SRPK2: variants seen among roughly 807,000 people sequenced by gnomAD.
SRPK2 encodes SRSF protein kinase 2, also known as SFRS protein kinase 2.
A neutral mutation model predicts 90.8 loss-of-function variants in SRPK2; 21 were observed. The observed-to-expected ratio is 0.23, with a 90% CI of 0.16 to 0.33. The LOEUF (loss-of-function observed/expected upper bound fraction) is 0.33. Ranked by LOEUF, SRPK2 falls within the 10% of genes least tolerant of loss-of-function variation. SRPK2 has a pLI of 1.00. For synonymous variants in SRPK2, 288 were observed against 311.1 expected (o/e 0.93, Z 0.78); for missense variants, 620 against 869.0 (o/e 0.71, Z 3.60).
chr7:105,191,882 C>CT lies in SRPK2; in HGVS notation c.229+11745dup, dbSNP rs1323159078. ...CTTTTGTAAAAAAAAACAAAAAAAA[C>CT]TTTTTTTTTTTTAAATAGAGACAAA... On this transcript the variant is annotated intron_variant, in intron 3 of 15. Coordinates refer to ENST00000393651, the MANE Select transcript of SRPK2 (RefSeq NM_182692.3). Among the ~76,000 whole-genome samples, 501 of 144,102 alleles carry CT rather than the reference C, an allele frequency of 3.5e-3. 2 individuals carry two copies. The highest frequency in any genetic ancestry group is 2.7e-3 in the African/African-American group (108 of 39,640). 94.5% of individuals were successfully genotyped at this position (144,102 alleles called of 152,430 possible).
At chr7:105,377,324 A>G (rs1820417427) in intron 2 of SRPK2, among the ~76,000 whole-genome samples, 1 of 152,046 alleles carries the variant, frequency 6.6e-6, no homozygotes, top group East Asian at 1.9e-4. Flanking sequence ...ATCACCCTCA[A>G]CAGAGCTCTT....
At chr7:105,159,171 T>C (rs1807034586) in intron 7 of SRPK2, among the ~76,000 whole-genome samples, 1 of 151,938 alleles carries the variant, frequency 6.6e-6, no homozygotes, top group African/African-American at 2.4e-5. Flanking sequence ...ACATCTGTCA[T>C]GTTACAGAAT....
chr7:105,123,973 G>A (rs1235504034), intron 15 of SRPK2, among the ~76,000 whole-genome samples: 1 of 152,208 alleles, frequency 6.6e-6, no homozygotes, highest in Non-Finnish European at 1.5e-5. Context: ...CTTCAAATAA[G>A]CTGCTCAAAA....
At chr7:105,121,662 C>G (rs1332657772) in intron 15 of SRPK2, among the ~76,000 whole-genome samples, 1 of 152,118 alleles carries the variant, frequency 6.6e-6, no homozygotes, top group Admixed American at 6.5e-5. Context: ...CTTGAAAGAG[C>G]CAAGGAAAAC....
At chr7:105,176,145 T>C (rs1223977758) in intron 3 of SRPK2, among the ~76,000 whole-genome samples, 2 of 152,202 alleles carry the variant, frequency 1.3e-5, no homozygotes, top group African/African-American at 4.8e-5. Flanking sequence ...ATGGGGTTTA[T>C]TCCAGGAACA....
chr7:105,191,532 T>C (rs1794278728), intron 3 of SRPK2, among the ~76,000 whole-genome samples: 1 of 152,192 alleles, frequency 6.6e-6, no homozygotes, highest in Non-Finnish European at 1.5e-5. Flanking sequence ...CCTTCCAGCC[T>C]ACGCAATAGA....
intron 2 of SRPK2, among the ~76,000 whole-genome samples, chr7:105,302,933 G>C (rs1008407572): frequency 2.6e-5 from 4 of 151,942 alleles, no homozygotes; most frequent in Non-Finnish European, 5.9e-5. Context: ...AATTAGCCAG[G>C]CATGGTGGCG....
At chr7:105,208,905 T>G (rs1429547152) in intron 2 of SRPK2, among the ~76,000 whole-genome samples, 1 of 152,170 alleles carries the variant, frequency 6.6e-6, no homozygotes, top group Admixed American at 6.5e-5. Context: ...GAGGATCGCT[T>G]GAGCCCAGGA....
intron 2 of SRPK2, among the ~76,000 whole-genome samples, chr7:105,259,018 T>C (rs1022082562): frequency 6.6e-6 from 1 of 152,156 alleles, no homozygotes; most frequent in Non-Finnish European, 1.5e-5. Flanking sequence ...TTCAACATAG[T>C]GTTGGAAGTT....
At chr7:105,349,070 C>T (rs892363954) in intron 2 of SRPK2, among the ~76,000 whole-genome samples, 3 of 142,832 alleles carry the variant, frequency 2.1e-5, no homozygotes, top group East Asian at 4.3e-4. Flanking sequence ...CACTTGAACT[C>T]GGAGGCGGAG....
At chr7:105,244,716 G>A in intron 2 of SRPK2, 1 of 1,160,396 alleles carries the variant, frequency 8.6e-7, no homozygotes, top group Non-Finnish European at 1.3e-6. Flanking sequence ...AAGAACGTGA[G>A]CGAGCCCAGG....
chr7:105,222,316 TAATA>T (rs1203475615), intron 2 of SRPK2, among the ~76,000 whole-genome samples: 1 of 152,252 alleles, frequency 6.6e-6, no homozygotes, highest in Non-Finnish European at 1.5e-5. Context: ...GCACAGACTT[TAATA>T]GAGAGACATC....
intron 2 of SRPK2, among the ~76,000 whole-genome samples, chr7:105,349,658 G>C (rs1480679065): frequency 2.0e-5 from 3 of 152,258 alleles, no homozygotes; most frequent in East Asian, 3.9e-4. Context: ...TCAAGGACTG[G>C]CTAAGCCCAA....
intron 6 of SRPK2, among the ~76,000 whole-genome samples, chr7:105,161,664 AC>A (rs1308338575): frequency 2.6e-5 from 4 of 152,222 alleles, no homozygotes; most frequent in African/African-American, 4.8e-5. Context: ...TGAAACAAAT[AC>A]AGAGCTCCAG....
intron 2 of SRPK2, among the ~76,000 whole-genome samples, chr7:105,274,714 T>A (rs1386770565): frequency 6.6e-6 from 1 of 152,038 alleles, no homozygotes; most frequent in East Asian, 1.9e-4. Context: ...TCATTCATCA[T>A]GATTGCTTCC....
chr7:105,240,836 G>A (rs3801283), intron 2 of SRPK2, among the ~76,000 whole-genome samples: 27,682 of 151,902 alleles, frequency 0.18, 3,186 homozygotes, highest in East Asian at 0.58. Context: ...TAAAATACTC[G>A]TCCAGTATGT....
intron 3 of SRPK2, among the ~76,000 whole-genome samples, chr7:105,184,061 C>T (rs1330252651): frequency 1.3e-5 from 2 of 149,320 alleles, no homozygotes; most frequent in Admixed American, 6.7e-5. Flanking sequence ...CTGCAACCTC[C>T]GCCTCCCAGG....
At chr7:105,361,907 T>A (rs537214841) in intron 2 of SRPK2, among the ~76,000 whole-genome samples, 2 of 152,088 alleles carry the variant, frequency 1.3e-5, no homozygotes, top group Admixed American at 6.6e-5. Context: ...ATTCAGGACA[T>A]AGGCATGGGC....
intron 2 of SRPK2, among the ~76,000 whole-genome samples, chr7:105,369,785 T>C (rs1290820414): frequency 6.6e-6 from 1 of 152,068 alleles, no homozygotes; most frequent in Non-Finnish European, 1.5e-5. Context: ...CCCAGTACTT[T>C]GGGAAGATGA....
Sources: gnomAD v4.1 joint callset for allele counts (sites outside exome capture counted in the v4.1 genomes callset) on GRCh38, gnomAD v4.1.1 for gene constraint, MANE v1.5 for transcripts, NCBI Gene and HGNC (gene_info 2026-07-23, HGNC 2026-07-21) for gene names.